Variants in ALDH5A1 observed in about 807,000 individuals in gnomAD.
ALDH5A1 encodes the protein aldehyde dehydrogenase 5 family member A1, also known as succinate-semialdehyde dehydrogenase, mitochondrial.
In ALDH5A1, 33 loss-of-function variants were observed where a neutral mutation model predicts 54.7. The observed-to-expected ratio is 0.60, with a 90% confidence interval of 0.46 to 0.81. The LOEUF is 0.81. Among genes scored for constraint, ALDH5A1 ranks in the 30% least tolerant of loss-of-function variants. The pLI, the probability that ALDH5A1 is intolerant of heterozygous loss-of-function variation, is 0.00. For missense variants in ALDH5A1, 657 were observed against 711.0 expected (o/e 0.92, Z 0.86); for synonymous variants, 294 against 292.7 (o/e 1.00, Z -0.05).
chr6:24,497,579 C>G (rs1397854817), intron 1 of ALDH5A1, among the ~76,000 whole-genome samples: 1 of 148,120 alleles, frequency 6.8e-6, no homozygotes, highest in Non-Finnish European at 1.5e-5. Context: ...CAGAAAAGTT[C>G]TCCAAGTCCC....
At chr6:24,496,158 C>CT (rs1412149103) in intron 1 of ALDH5A1, among the ~76,000 whole-genome samples, 4 of 152,180 alleles carry the variant, frequency 2.6e-5, no homozygotes, top group African/African-American at 7.2e-5. Context: ...TCTTAGCACT[C>CT]ATTCATCCAT....
chr6:24,503,543 T>A (rs929786625), intron 3 of ALDH5A1, 110 bp downstream of exon 3: 11 of 1,306,502 alleles, frequency 8.4e-6, no homozygotes, highest in Middle Eastern at 5.1e-4. Context: ...TTTTGTCACC[T>A]GTTCCTGGTT....
intron 5 of ALDH5A1, among the ~76,000 whole-genome samples, chr6:24,516,233 A>G (rs997555832): frequency 6.6e-6 from 1 of 151,696 alleles, no homozygotes; most frequent in Admixed American, 6.6e-5. Context: ...TCAGGAGATC[A>G]AGACCATCCT....
chr6:24,495,630 G>A lies in ALDH5A1; in HGVS notation c.354+280G>A, dbSNP rs369641886. Reference sequence around the variant, plus strand: ...GGCAGAACGTGAGCGCCTAATACAAGCGAGCTGCTTGTTATGGTCAACAAG... The same window carrying A: ...GGCAGAACGTGAGCGCCTAATACAAACGAGCTGCTTGTTATGGTCAACAAG... On this transcript the variant is annotated intron_variant, in intron 1 of 9. Coordinates refer to ENST00000357578, the MANE Select transcript of ALDH5A1 (RefSeq NM_001080.3). Among the ~76,000 whole-genome samples the A allele has an allele frequency of 3.3e-4, 51 of 152,310 alleles. 1 individual carries two copies. The South Asian group carries it at 0.01, about 31-fold the overall frequency.
At chr6:24,498,245 G>C (rs951145764) in intron 1 of ALDH5A1, among the ~76,000 whole-genome samples, 1 of 152,202 alleles carries the variant, frequency 6.6e-6, no homozygotes, top group African/African-American at 2.4e-5. Context: ...AAAGTAAGCA[G>C]TTGGGTGTAT....
At position 24,534,690 on chromosome 6, in the gene ALDH5A1, C is replaced by G. The variant is rs1321057182; in HGVS notation, c.*978C>G. ...ATTGTTACGAGCAGCACCGCCCAGCCCTTCCTTGCCTACTGTCAGTGGCTT... is the reference window on the plus strand; with the variant it reads ...ATTGTTACGAGCAGCACCGCCCAGCGCTTCCTTGCCTACTGTCAGTGGCTT... On this transcript the variant is annotated 3_prime_UTR_variant, in exon 10 of 10. Transcript: ENST00000357578. 1 of 152,354 alleles carries G rather than the reference C, an allele frequency of 6.6e-6. No homozygotes were observed. The highest frequency in any genetic ancestry group is 1.5e-5 in the Non-Finnish European group (1 of 68,128). The allele number at this position is 152,354 out of a possible 1,614,324, so 9.4% of individuals were successfully genotyped here.
At chr6:24,530,643 C>G (rs1165235729) in intron 8 of ALDH5A1, among the ~76,000 whole-genome samples, 2 of 152,208 alleles carry the variant, frequency 1.3e-5, no homozygotes, top group Non-Finnish European at 2.9e-5. Flanking sequence ...CAGTGCCACT[C>G]CTCCACCCCA....
At chr6:24,503,973 C>T (rs936657926) in intron 3 of ALDH5A1, among the ~76,000 whole-genome samples, 2 of 152,172 alleles carry the variant, frequency 1.3e-5, no homozygotes, top group Non-Finnish European at 2.9e-5. Context: ...CCCAGCTTTC[C>T]TTCTGGGTCC....
chr6:24,502,594 C>A lies in ALDH5A1; in HGVS notation c.426C>A (p.Ile142=). 1 of 1,612,738 alleles carries A rather than the reference C, an allele frequency of 6.2e-7. No individual in the cohort carries two copies. Among genetic ancestry groups the A allele is most frequent in the Non-Finnish European group, 8.5e-7 (1 of 1,178,790 alleles). ...IQNKDDLARI[I]TAESGKPLKE... ...ATAAGGATGACCTTGCCAGAATAAT[C>A]ACAGCTGAAAGTGTAAGTTCAGGGT... The change falls in exon 2 of 10, where the codon ATC becomes ATA. Residue 142 remains isoleucine (I), a synonymous_variant. Transcript: ENST00000357578.
chr6:24,515,455 C>T (rs1178156614), intron 5 of ALDH5A1, 145 bp downstream of exon 5: 22 of 972,114 alleles, frequency 2.3e-5, no homozygotes, highest in Non-Finnish European at 2.7e-5. Context: ...CCAAGCACGG[C>T]GGCTCATGCC....
chr6:24,510,567 T>C (rs1759440975), intron 4 of ALDH5A1, among the ~76,000 whole-genome samples: 1 of 152,220 alleles, frequency 6.6e-6, no homozygotes, highest in African/African-American at 2.4e-5. Flanking sequence ...TCCCTCTCTG[T>C]CTTTTTTAAC....
At chr6:24,531,053 T>C (rs886160299) in intron 8 of ALDH5A1, among the ~76,000 whole-genome samples, 2 of 152,210 alleles carry the variant, frequency 1.3e-5, no homozygotes, top group Non-Finnish European at 2.9e-5. Context: ...TTTGTTGCTG[T>C]TGTTGTTGGT....
At chr6:24,530,935 G>C (rs935861324) in intron 8 of ALDH5A1, among the ~76,000 whole-genome samples, 4 of 152,232 alleles carry the variant, frequency 2.6e-5, no homozygotes, top group African/African-American at 4.8e-5. Context: ...CTGCATGGGT[G>C]GTCTCGAGCT....
chr6:24,496,762 CTCT>C (rs946855996), intron 1 of ALDH5A1, among the ~76,000 whole-genome samples: 3 of 152,312 alleles, frequency 2.0e-5, no homozygotes, highest in East Asian at 1.9e-4. Context: ...GTGTCCTAAT[CTCT>C]TCTTCTTTTA....
Position 24,495,387 on chromosome 6 carries a change from G to C in ALDH5A1, c.354+37G>C, listed in dbSNP as rs575335111. 2.2e-5 allele frequency: 33 copies of C among 1,525,794 alleles called. No individual in the cohort carries two copies. In the East Asian group the frequency reaches 8.1e-4, roughly 38 times the overall value. 94.5% of individuals were successfully genotyped at this position (1,525,794 alleles called of 1,614,324 possible). A position where few individuals can be genotyped will look rare whatever the true frequency, so the allele number is the denominator to read the frequency against. ...CGGATGCAGGGGGCCAGAGCTGGCC[G>C]GGGACACGGCGGGGAGCAGAGGGGG... On this transcript the variant is annotated intron_variant, in intron 1 of 9. Transcript: ENST00000357578.
intron 1 of ALDH5A1, among the ~76,000 whole-genome samples, chr6:24,499,668 C>T (rs7741130): frequency 0.017 from 1,124 of 66,636 alleles, 59 homozygotes; most frequent in Non-Finnish European, 0.02. Flanking sequence ...AATTTCTTTT[C>T]TTTTTTTTTT....
At position 24,495,039 on chromosome 6, in the gene ALDH5A1, C is replaced by T. The variant is rs1764659574; in HGVS notation, c.43C>T (p.Leu15Phe). 7.4e-7 allele frequency: 1 copy of T among 1,351,194 alleles called. No homozygotes were observed. Among genetic ancestry groups the T allele is most frequent in the Non-Finnish European group, 9.5e-7 (1 of 1,054,492 alleles). 83.7% of individuals were successfully genotyped at this position (1,351,194 alleles called of 1,614,324 possible). A position where few individuals can be genotyped will look rare whatever the true frequency, so the allele number is the denominator to read the frequency against. The change falls in exon 1 of 10, where the codon CTC (leucine) becomes TTC (phenylalanine). Residue 15 changes from leucine to phenylalanine, a missense_variant. Physicochemically the swap from Leu to Phe is conservative, Grantham distance 22. This residue lies in a region of ALDH5A1 where 232 missense variants were observed against 194.6 expected (regional missense o/e 1.19). Transcript: ENST00000357578. Reference sequence around the variant, plus strand: ...GCTGCGGAGCTGTGGGGCCCGGCGCCTCGGGTCGACGTTTCCAGGCTGCCG... The same window carrying T: ...GCTGCGGAGCTGTGGGGCCCGGCGCTTCGGGTCGACGTTTCCAGGCTGCCG... ...IWLRSCGARR[L>F]GSTFPGCRLR...
chr6:24,533,715 T>A lies in ALDH5A1; in HGVS notation c.*3T>A. ...ATGTGTGTTACGGGGGCTTGTAGGATTCTTTGGTTCTTTAAAAAAATTTAA... is the reference window on the plus strand; with the variant it reads ...ATGTGTGTTACGGGGGCTTGTAGGAATCTTTGGTTCTTTAAAAAAATTTAA... On this transcript the variant is annotated 3_prime_UTR_variant, in exon 10 of 10. Transcript: ENST00000357578. 1 of 1,613,564 alleles carries A rather than the reference T, an allele frequency of 6.2e-7. No individual in the cohort carries two copies. The highest frequency in any genetic ancestry group is 8.5e-7 in the Non-Finnish European group (1 of 1,179,764).
At chr6:24,514,346 A>G (rs1027035976) in intron 4 of ALDH5A1, among the ~76,000 whole-genome samples, 3 of 152,198 alleles carry the variant, frequency 2.0e-5, no homozygotes, top group African/African-American at 7.2e-5. Flanking sequence ...AGGTGAATCA[A>G]GTAACTTTTT....
Sources: allele counts gnomAD v4.1 joint callset (sites outside exome capture counted in the v4.1 genomes callset), GRCh38; gene constraint gnomAD v4.1.1; regional missense constraint gnomAD v4.1.1; transcripts MANE v1.5; gene names NCBI Gene and HGNC (gene_info 2026-07-23, HGNC 2026-07-21).